Variants in CNTN3 observed in about 807,000 individuals in gnomAD.
The protein encoded by CNTN3 is contactin 3.
In CNTN3, 60 loss-of-function variants were observed where a neutral mutation model predicts 119.1. The ratio of observed to expected loss-of-function variants is 0.50; its 90% CI spans 0.41 to 0.62. The LOEUF (loss-of-function observed/expected upper bound fraction) is 0.62. Ranked by LOEUF, CNTN3 falls within the 20% of genes least tolerant of loss-of-function variation. The probability of loss-of-function intolerance (pLI) is 0.00; values close to 1 mark genes in which losing one functional copy is unlikely to be tolerated. For missense variants in CNTN3, 1,101 were observed against 1,242.4 expected (o/e 0.89, Z 1.71); for synonymous variants, 450 against 438.7 (o/e 1.03, Z -0.32).
At chr3:74,483,935 T>C (rs377714078) in intron 4 of CNTN3, among the ~76,000 whole-genome samples, 1 of 152,228 alleles carries the variant, frequency 6.6e-6, no homozygotes, top group African/African-American at 2.4e-5. Context: ...TATTTTGTCA[T>C]ACATGTCGTA....
chr3:74,477,337 A>G (rs751543726), intron 4 of CNTN3, among the ~76,000 whole-genome samples: 2 of 152,134 alleles, frequency 1.3e-5, no homozygotes, highest in Non-Finnish European at 2.9e-5. Flanking sequence ...CTAAAAAATT[A>G]TTTTTTGGCA....
At chr3:74,324,529 G>T (rs1366552953) in intron 13 of CNTN3, among the ~76,000 whole-genome samples, 5 of 152,172 alleles carry the variant, frequency 3.3e-5, no homozygotes, top group Non-Finnish European at 7.3e-5. Context: ...TTTATTGAAG[G>T]CTTGTGGTGA....
intron 13 of CNTN3, among the ~76,000 whole-genome samples, chr3:74,330,031 G>A (rs854695): frequency 0.61 from 92,265 of 151,920 alleles, 29,000 homozygotes; most frequent in Middle Eastern, 0.72. Context: ...GTCAAGGATG[G>A]ACCACATATA....
intron 1 of CNTN3, among the ~76,000 whole-genome samples, chr3:74,605,690 C>T (rs1704980579): frequency 6.6e-6 from 1 of 151,812 alleles, no homozygotes; most frequent in Non-Finnish European, 1.5e-5. Context: ...CTCTGTGTGA[C>T]CTGTGTTTCT....
At chr3:74,434,513 T>C (rs1272159756) in intron 4 of CNTN3, among the ~76,000 whole-genome samples, 2 of 152,206 alleles carry the variant, frequency 1.3e-5, no homozygotes, top group Non-Finnish European at 2.9e-5. Flanking sequence ...CAGAGGTCCA[T>C]GAACATCTGT....
At chr3:74,574,793 A>G (rs1303267294) in intron 1 of CNTN3, among the ~76,000 whole-genome samples, 1 of 152,198 alleles carries the variant, frequency 6.6e-6, no homozygotes, top group Non-Finnish European at 1.5e-5. Context: ...AAAAATCTAC[A>G]TTACCTCTAT....
chr3:74,539,285 A>G (rs965931059), intron 1 of CNTN3, among the ~76,000 whole-genome samples: 1 of 152,128 alleles, frequency 6.6e-6, no homozygotes, highest in Admixed American at 6.6e-5. Context: ...GTGCTAAGAA[A>G]TGTTTCTTTT....
intron 11 of CNTN3, among the ~76,000 whole-genome samples, chr3:74,341,060 C>T (rs1029698992): frequency 2.0e-5 from 3 of 152,100 alleles, no homozygotes; most frequent in African/African-American, 7.2e-5. Context: ...CTAACACCTT[C>T]AGAATCACAC....
At chr3:74,546,293 C>A (rs1559652701) in intron 1 of CNTN3, among the ~76,000 whole-genome samples, 3 of 152,144 alleles carry the variant, frequency 2.0e-5, no homozygotes, top group Non-Finnish European at 4.4e-5. Context: ...CTGTGCCCGG[C>A]CCATTTCTTG....
At chr3:74,311,473 A>C (rs954333335) in intron 13 of CNTN3, among the ~76,000 whole-genome samples, 3 of 152,348 alleles carry the variant, frequency 2.0e-5, no homozygotes, top group East Asian at 3.9e-4. Context: ...TCCACCTAAA[A>C]TTCCTGAGTC....
chr3:74,331,200 T>A (rs1703256173), intron 13 of CNTN3, among the ~76,000 whole-genome samples: 1 of 152,194 alleles, frequency 6.6e-6, no homozygotes, highest in South Asian at 2.1e-4. Flanking sequence ...GTAAGTGCCC[T>A]ATACAGGTGC....
intron 4 of CNTN3, among the ~76,000 whole-genome samples, chr3:74,477,135 C>T (rs146392470): frequency 5.0e-4 from 76 of 152,134 alleles, no homozygotes; most frequent in Middle Eastern, 3.4e-3. Flanking sequence ...AGACAGTGTT[C>T]CAGGTGCTTG....
chr3:74,461,268 A>G (rs1702362222), intron 4 of CNTN3, among the ~76,000 whole-genome samples: 1 of 152,018 alleles, frequency 6.6e-6, no homozygotes. Context: ...TAATATTTTA[A>G]AAATCTGTAG....
intron 18 of CNTN3, among the ~76,000 whole-genome samples, chr3:74,296,738 ACT>A (rs1702345059): frequency 6.6e-6 from 1 of 152,068 alleles, no homozygotes; most frequent in Non-Finnish European, 1.5e-5. Flanking sequence ...CAAATTTATT[ACT>A]CTCTTTCACA....
intron 3 of CNTN3, among the ~76,000 whole-genome samples, chr3:74,492,720 C>T (rs1702986952): frequency 6.6e-6 from 1 of 152,038 alleles, no homozygotes; most frequent in Admixed American, 6.6e-5. Context: ...TGCCTTCCAA[C>T]ACAAAGAACA....
chr3:74,566,251 A>G (rs555250227), intron 1 of CNTN3, among the ~76,000 whole-genome samples: 7 of 152,234 alleles, frequency 4.6e-5, no homozygotes, highest in Admixed American at 3.3e-4. Flanking sequence ...CCAACCTAAG[A>G]TGGTGATGCA....
chr3:74,606,836 T>G (rs2106712469), intron 1 of CNTN3, among the ~76,000 whole-genome samples: 1 of 152,268 alleles, frequency 6.6e-6, no homozygotes, highest in South Asian at 2.1e-4. Flanking sequence ...TTTTAAAAAC[T>G]AATGTTGCCA....
intron 13 of CNTN3, among the ~76,000 whole-genome samples, chr3:74,315,717 T>C (rs979590801): frequency 1.6e-4 from 25 of 152,148 alleles, no homozygotes; most frequent in Non-Finnish European, 2.8e-4. Context: ...TCAAGTGAAA[T>C]TGAAAAAGAT....
intron 16 of CNTN3, among the ~76,000 whole-genome samples, chr3:74,300,356 C>A (rs1389562337): frequency 6.6e-6 from 1 of 152,062 alleles, no homozygotes; most frequent in African/African-American, 2.4e-5. Context: ...AGACTCAAAC[C>A]CTCGAATCTT....
Sources: allele counts gnomAD v4.1 joint callset (sites outside exome capture counted in the v4.1 genomes callset), GRCh38; gene constraint gnomAD v4.1.1; transcripts MANE v1.5; gene names NCBI Gene and HGNC (gene_info 2026-07-23, HGNC 2026-07-21).